The following MYH11 variants were observed in gnomAD, a reference collection of about 807,000 sequenced individuals.
The protein encoded by MYH11 is myosin heavy chain 11.
A neutral mutation model predicts 246.6 loss-of-function variants in MYH11; 80 were observed. That is an observed-to-expected ratio of 0.32 (90% CI 0.27 to 0.39). The LOEUF (loss-of-function observed/expected upper bound fraction) is 0.39, where lower values mean the gene tolerates loss of function less well. Ranked by LOEUF, MYH11 falls within the 10% of genes least tolerant of loss-of-function variation. MYH11 has a pLI of 1.00. For synonymous variants in MYH11, 1,071 were observed against 1,015.5 expected, an observed-to-expected ratio of 1.05 and a Z score of -1.04; for missense variants, 2,158 against 2,546.8, an observed-to-expected ratio of 0.85 and a Z score of 3.29.
intron 28 of MYH11, 38 bp downstream of exon 28, chr16:15,726,810 C>A (rs2040785650): frequency 6.2e-7 from 1 of 1,605,194 alleles, no homozygotes. Context: ...TGGGCACCAC[C>A]CAGCACTGCC....
intron 38 of MYH11, 54 bp downstream of exon 38, chr16:15,717,086 C>G: frequency 6.3e-7 from 1 of 1,580,760 alleles, no homozygotes; most frequent in Non-Finnish European, 8.7e-7. Flanking sequence ...CACTATGACT[C>G]CTGCTGTCCA....
chr16:15,723,320 G>A (rs1477949377), intron 31 of MYH11, among the ~76,000 whole-genome samples: 2 of 152,122 alleles, frequency 1.3e-5, no homozygotes, highest in East Asian at 3.9e-4. Flanking sequence ...GTACCCAAGA[G>A]ATAAGGCATG....
chr16:15,818,854 T>C (rs2043329778), intron 3 of MYH11, among the ~76,000 whole-genome samples: 1 of 152,222 alleles, frequency 6.6e-6, no homozygotes, highest in African/African-American at 2.4e-5. Context: ...GTTTATCTTT[T>C]ATGGATGTGC....
chr16:15,818,736 C>G (rs2043326401), intron 3 of MYH11, among the ~76,000 whole-genome samples: 1 of 151,898 alleles, frequency 6.6e-6, no homozygotes, highest in East Asian at 2.0e-4. Context: ...GTGCCCGATT[C>G]TTTTTATTTT....
chr16:15,705,904 G>C (rs532586070), intron 40 of MYH11, among the ~76,000 whole-genome samples: 15 of 149,678 alleles, frequency 1.0e-4, no homozygotes, highest in African/African-American at 3.7e-4. Flanking sequence ...AGAATGACAT[G>C]AACCCAGGAG....
chr16:15,727,207 A>AT (rs936178176), intron 27 of MYH11, among the ~76,000 whole-genome samples, 153 bp from the exon 28 acceptor site: 30 of 147,442 alleles, frequency 2.0e-4, no homozygotes, highest in African/African-American at 3.0e-4. Flanking sequence ...TTTTGTTGTT[A>AT]TTTTTTTTTT....
In MYH11 at chr16:15,717,154, G is replaced by A. The variant is rs770582589; in HGVS notation, c.5490C>T (p.Val1830=). 1.1e-5 allele frequency: 17 copies of A among 1,614,032 alleles called. No individual in the cohort carries two copies. The highest frequency in any genetic ancestry group is 2.7e-5 in the African/African-American group (2 of 74,920). Residue 1830 remains valine (V), a synonymous_variant, in exon 38 of 41, where the codon GTC becomes GTT. Coordinates refer to ENST00000300036, the MANE Select transcript of MYH11 (RefSeq NM_002474.3). ...CACCCGCATACCTGGCCTCCTGCTC[G>A]ACCTGCTCCTCCAGCTGTGCAATCT... The part of the protein sequence containing the change: ...EAKIAQLEEQ[V]EQEAREKQAA...
intron 40 of MYH11, chr16:15,708,742 T>A (rs369841035): frequency 6.5e-7 from 1 of 1,548,602 alleles, no homozygotes. Context: ...GAGGGGCGCA[T>A]TGGGCAGAAA....
intron 40 of MYH11, 82 bp downstream of exon 40, chr16:15,714,827 T>C: frequency 6.4e-7 from 1 of 1,550,512 alleles, no homozygotes. Context: ...CAAGGGGCAT[T>C]TGCAGGCCGA....
At chr16:15,752,579 A>T (rs1242683126) in intron 15 of MYH11, among the ~76,000 whole-genome samples, 1 of 152,126 alleles carries the variant, frequency 6.6e-6, no homozygotes, top group Non-Finnish European at 1.5e-5. Flanking sequence ...TCTGGGTTTT[A>T]AAAAGCCCTC....
intron 20 of MYH11, 114 bp from the exon 21 acceptor site, chr16:15,742,005 C>T: frequency 1.4e-6 from 2 of 1,430,324 alleles, no homozygotes; most frequent in Non-Finnish European, 1.9e-6. Context: ...CCGATCCCCA[C>T]TAGGGGATAT....
intron 25 of MYH11, among the ~76,000 whole-genome samples, chr16:15,736,840 A>G (rs1385530014): frequency 6.6e-6 from 1 of 152,142 alleles, no homozygotes; most frequent in East Asian, 1.9e-4. Context: ...GCTTGAAAAG[A>G]ACTTAGCACC....
At chr16:15,771,873 C>T (rs1218608295) in intron 8 of MYH11, among the ~76,000 whole-genome samples, 161 bp from the exon 9 acceptor site, 2 of 152,066 alleles carry the variant, frequency 1.3e-5, no homozygotes, top group Non-Finnish European at 2.9e-5. Flanking sequence ...ACAGCCTCAC[C>T]AACCACTGCC....
At chr16:15,717,385 GGAA>G (rs1242029272) in intron 37 of MYH11, 37 bp from the exon 38 acceptor site, 1 of 1,599,190 alleles carries the variant, frequency 6.3e-7, no homozygotes, top group Non-Finnish European at 8.5e-7. Context: ...GCGGACTCAG[GGAA>G]GCCCAAGAGA....
chr16:15,712,568 C>G (rs189760539), intron 40 of MYH11, among the ~76,000 whole-genome samples: 1 of 152,252 alleles, frequency 6.6e-6, no homozygotes, highest in East Asian at 1.9e-4. Context: ...TGCACTCCAG[C>G]CTGGGCAACA....
intron 9 of MYH11, among the ~76,000 whole-genome samples, chr16:15,765,202 G>A (rs757540781): frequency 3.4e-5 from 5 of 148,342 alleles, no homozygotes; most frequent in Non-Finnish European, 7.5e-5. Flanking sequence ...ATGAATGGAC[G>A]GATGGATGGA....
chr16:15,734,957 A>G (rs2041071100), intron 26 of MYH11, among the ~76,000 whole-genome samples: 1 of 152,040 alleles, frequency 6.6e-6, no homozygotes, highest in Non-Finnish European at 1.5e-5. Flanking sequence ...AAGTGGGTGG[A>G]TCACTTGAGG....
At chr16:15,725,930 C>G in intron 28 of MYH11, 1 of 372,026 alleles carries the variant, frequency 2.7e-6, no homozygotes, top group Non-Finnish European at 4.8e-6. Flanking sequence ...GGTACAAGCT[C>G]CCCCTCCAAC....
At chr16:15,793,624 T>C (rs1236661728) in intron 4 of MYH11, among the ~76,000 whole-genome samples, 112 of 139,894 alleles carry the variant, frequency 8.0e-4, no homozygotes, top group African/African-American at 2.8e-3. Context: ...TCTTTTTTTT[T>C]TTTTTTTTTT....
Sources: gnomAD v4.1 joint callset for allele counts (sites outside exome capture counted in the v4.1 genomes callset) on GRCh38, gnomAD v4.1.1 for gene constraint, MANE v1.5 for transcripts, NCBI Gene and HGNC (gene_info 2026-07-23, HGNC 2026-07-21) for gene names.